MYO18A: variants seen among roughly 807,000 people sequenced by gnomAD.
MYO18A encodes the protein myosin XVIIIA, also known as unconventional myosin-XVIIIa.
Under a neutral mutation model 235.8 loss-of-function variants are expected in MYO18A, and 78 were observed. The observed-to-expected ratio is 0.33, with a 90% CI of 0.28 to 0.40. MYO18A has a LOEUF of 0.40. Among genes scored for constraint, MYO18A ranks in the 10% least tolerant of loss-of-function variants. MYO18A has a pLI of 1.00. For synonymous variants in MYO18A, 977 were observed against 1,077.8 expected, an observed-to-expected ratio of 0.91 and a Z score of 1.83; for missense variants, 2,215 against 2,699.3, an observed-to-expected ratio of 0.82 and a Z score of 3.98.
intron 27 of MYO18A, 65 bp downstream of exon 27, chr17:29,097,158 G>T (rs79752945): frequency 2.5e-6 from 4 of 1,585,946 alleles, no homozygotes; most frequent in South Asian, 2.2e-5. Flanking sequence ...TCACTGGACC[G>T]ACACAAGGCA....
intron 2 of MYO18A, among the ~76,000 whole-genome samples, chr17:29,154,605 T>G (rs1461676488): frequency 6.6e-6 from 1 of 152,198 alleles, no homozygotes; most frequent in Non-Finnish European, 1.5e-5. Flanking sequence ...TCTGTTGATC[T>G]TGAGGCATGG....
chr17:29,098,505 G>A (rs757667864), intron 23 of MYO18A, 60 bp from the exon 24 acceptor site: 3 of 1,580,380 alleles, frequency 1.9e-6, no homozygotes, highest in Non-Finnish European at 2.6e-6. Flanking sequence ...TGGGGCCCTG[G>A]GTCTGCACCC....
Position 29,097,208 on chromosome 17 carries a change from C to A in MYO18A, c.4230+15G>T. On this transcript the variant is annotated intron_variant, in intron 27 of 41. Coordinates refer to ENST00000527372, the MANE Select transcript of MYO18A (RefSeq NM_078471.4). Reference sequence around the variant, plus strand: ...GCCCTCCCAGGCACAGGCCTCAGCTCCTCCCCAGCCTCACCCGCCGTTCCA... The same window carrying A: ...GCCCTCCCAGGCACAGGCCTCAGCTACTCCCCAGCCTCACCCGCCGTTCCA... The A allele has an allele frequency of 6.2e-7, 1 of 1,603,810 alleles. No individual in the cohort carries two copies.
intron 1 of MYO18A, among the ~76,000 whole-genome samples, chr17:29,173,872 AGTGAT>A (rs778792435): frequency 2.0e-5 from 3 of 152,184 alleles, no homozygotes; most frequent in Non-Finnish European, 4.4e-5. Flanking sequence ...CCTGGGCTCA[AGTGAT>A]CCTCCTGTCT....
chr17:29,109,753 C>A lies in MYO18A; in HGVS notation c.3331+105G>T. The stretch of plus-strand genomic sequence containing the variant: ...GAGCAGAAAGGATCGTGAGGAAAGA[C>A]AGGAGCAGCCCCACTGCAGCCCACG... On this transcript the variant is annotated intron_variant, in intron 19 of 41. Coordinates refer to ENST00000527372, the MANE Select transcript of MYO18A (RefSeq NM_078471.4). This position sits in a 1 kb window ranked among gnomAD's most constrained non-coding sequence, Gnocchi z 4.1. 1 of 1,385,590 alleles carries A rather than the reference C, an allele frequency of 7.2e-7. No individual in the cohort carries two copies. Among genetic ancestry groups the A allele is most frequent in the Non-Finnish European group, 9.8e-7 (1 of 1,017,576 alleles). The allele number at this position is 1,385,590 out of a possible 1,614,324, so 85.8% of individuals were successfully genotyped here.
chr17:29,128,331 T>C (rs2067376297), intron 2 of MYO18A: 2 of 1,266,240 alleles, frequency 1.6e-6, no homozygotes, highest in Admixed American at 4.8e-5. Flanking sequence ...GGCAGCACCT[T>C]ACTCACCACC....
At chr17:29,148,582 T>TTGTGTGTGTGTGTGTGTG (rs10535921) in intron 2 of MYO18A, among the ~76,000 whole-genome samples, 55 of 148,876 alleles carry the variant, frequency 3.7e-4, no homozygotes, top group South Asian at 8.6e-4. Context: ...CTTTATTCTT[T>TTGTGTGTGTGTGTGTGTG]TGTGTGTGTG....
At chr17:29,108,314 T>C (rs910482742) in intron 19 of MYO18A, among the ~76,000 whole-genome samples, 2 of 152,122 alleles carry the variant, frequency 1.3e-5, no homozygotes, top group Non-Finnish European at 2.9e-5. Flanking sequence ...AGGGGAGGTG[T>C]GACCTGACTT....
chr17:29,152,481 G>A (rs527718225), intron 2 of MYO18A, among the ~76,000 whole-genome samples: 5 of 152,208 alleles, frequency 3.3e-5, no homozygotes, highest in Admixed American at 2.0e-4. Flanking sequence ...GCAATCCCTC[G>A]CTAAGATTAC....
chr17:29,105,047 C>T (rs1014823430), intron 20 of MYO18A, among the ~76,000 whole-genome samples: 5 of 151,786 alleles, frequency 3.3e-5, no homozygotes, highest in Non-Finnish European at 7.4e-5. Context: ...GGGCATGGGC[C>T]TGTAGTCCCA....
At chr17:29,098,755 C>T in intron 23 of MYO18A, 71 bp downstream of exon 23, 1 of 1,577,468 alleles carries the variant, frequency 6.3e-7, no homozygotes, top group Non-Finnish European at 8.6e-7. Context: ...GAAGAAGCGC[C>T]TGGAAGCCCA....
At chr17:29,133,751 A>G (rs1239813321) in intron 2 of MYO18A, 2 of 1,265,336 alleles carry the variant, frequency 1.6e-6, no homozygotes, top group South Asian at 2.5e-5. Flanking sequence ...CAGATACAAC[A>G]TGCCAAGCAC....
rs2067118203 is a variant in MYO18A, at chr17:29,118,194, G to A, written c.1894-5C>T. ...TGCCTTCTGCTTTTCCTCAGGCTGT[G>A]GAGATAGATGACCTCAAAGGGCTGT... is the stretch of plus-strand genomic sequence containing the variant. On this transcript the variant is annotated splice_region_variant and splice_polypyrimidine_tract_variant and intron_variant, in intron 9 of 41. Coordinates refer to ENST00000527372, the MANE Select transcript of MYO18A (RefSeq NM_078471.4). This position sits in a 1 kb window ranked among gnomAD's most constrained non-coding sequence, Gnocchi z 4.2. 6.3e-7 allele frequency: 1 copy of A among 1,597,352 alleles called. No homozygotes were observed. Among genetic ancestry groups the A allele is most frequent in the Non-Finnish European group, 8.5e-7 (1 of 1,170,972 alleles).
rs2066274693 is a variant in MYO18A, at chr17:29,087,127, T to C, written c.5527-6A>G. 2 of 1,610,970 alleles carry C rather than the reference T, an allele frequency of 1.2e-6. No individual in the cohort carries two copies. The highest frequency in any genetic ancestry group is 1.7e-6 in the Non-Finnish European group (2 of 1,178,100). On this transcript the variant is annotated splice_polypyrimidine_tract_variant and splice_region_variant and intron_variant, in intron 37 of 41. Transcript: ENST00000527372. ...TTGAGACGGCTAGCCAGGCTCTGGA[T>C]AGGTAGGTGGGGAAGAAAGACACAG...
At chr17:29,087,650 A>G (rs1471118285) in intron 37 of MYO18A, among the ~76,000 whole-genome samples, 1 of 152,180 alleles carries the variant, frequency 6.6e-6, no homozygotes, top group Non-Finnish European at 1.5e-5. Flanking sequence ...TGGGATGCTG[A>G]GCAAAAAATG....
chr17:29,093,886 T>C, intron 31 of MYO18A, 94 bp downstream of exon 31: 1 of 849,022 alleles, frequency 1.2e-6, no homozygotes, highest in Non-Finnish European at 1.9e-6. Flanking sequence ...TGGAAGACGA[T>C]GTGGCTGAGG....
intron 1 of MYO18A, among the ~76,000 whole-genome samples, chr17:29,167,875 G>A (rs987521769): frequency 2.6e-5 from 4 of 152,106 alleles, no homozygotes. Context: ...GAACTCAAAG[G>A]AACCAACATT....
chr17:29,086,924 A>G lies in MYO18A; in HGVS notation c.5712+12T>C, dbSNP rs945834785. ...CTGCCATGTGGGCCCCGTGGGGGACAGGGGGCATTACCAGTTCGTGCTTCT... is the reference window on the plus strand; with the variant it reads ...CTGCCATGTGGGCCCCGTGGGGGACGGGGGGCATTACCAGTTCGTGCTTCT... On this transcript the variant is annotated intron_variant, in intron 38 of 41. Transcript: ENST00000527372. 3 of 1,608,608 alleles carry G rather than the reference A, an allele frequency of 1.9e-6. No homozygotes were observed. Among genetic ancestry groups the G allele is most frequent in the Admixed American group, 3.4e-5 (2 of 59,518 alleles).
At chr17:29,114,876 A>T in intron 14 of MYO18A, 31 bp downstream of exon 14, 1 of 1,590,746 alleles carries the variant, frequency 6.3e-7, no homozygotes, top group Non-Finnish European at 8.6e-7. Context: ...CCAGAATCTG[A>T]GGCTAGATGA....
Sources: gnomAD v4.1 joint callset for allele counts (sites outside exome capture counted in the v4.1 genomes callset) on GRCh38, gnomAD v4.1.1 for gene constraint, Gnocchi (gnomAD v3.1) non-coding constraint, MANE v1.5 for transcripts, NCBI Gene and HGNC (gene_info 2026-07-23, HGNC 2026-07-21) for gene names.